Variants in MAP4K3 observed in about 807,000 individuals in gnomAD.
MAP4K3 encodes the protein mitogen-activated protein kinase kinase kinase kinase 3.
Under a neutral mutation model 143.5 loss-of-function variants are expected in MAP4K3, and 94 were observed. The observed-to-expected ratio is 0.65, with a 90% CI of 0.55 to 0.78. The LOEUF (loss-of-function observed/expected upper bound fraction) is 0.78, where lower values mean the gene tolerates loss of function less well. Ranked by LOEUF, MAP4K3 falls within the 30% of genes least tolerant of loss-of-function variation. MAP4K3 has a pLI of 0.00. For synonymous variants in MAP4K3, 416 were observed against 347.2 expected, an observed-to-expected ratio of 1.20 and a Z score of -2.20; for missense variants, 1,077 against 1,068.1, an observed-to-expected ratio of 1.01 and a Z score of -0.12.
At chr2:39,431,769 AC>A (rs1665297257) in intron 1 of MAP4K3, among the ~76,000 whole-genome samples, 1 of 152,224 alleles carries the variant, frequency 6.6e-6, no homozygotes, top group African/African-American at 2.4e-5. Context: ...CAATGACCAC[AC>A]TTTTTTGTGT....
intron 1 of MAP4K3, among the ~76,000 whole-genome samples, chr2:39,405,720 T>G (rs919580376): frequency 3.3e-5 from 5 of 151,872 alleles, no homozygotes; most frequent in African/African-American, 1.2e-4. Context: ...ATACAAACAT[T>G]AGCCAGCTGC....
chr2:39,325,988 G>T, intron 9 of MAP4K3, 27 bp from the exon 10 acceptor site: 1 of 1,547,320 alleles, frequency 6.5e-7, no homozygotes, highest in Non-Finnish European at 8.8e-7. Flanking sequence ...TCATTACACA[G>T]CATTTTAATA....
chr2:39,282,516 C>T lies in MAP4K3; in HGVS notation c.1626G>A (p.Val542=), dbSNP rs1279154649. 3 of 1,610,868 alleles carry T rather than the reference C, an allele frequency of 1.9e-6. No homozygotes were observed. The highest frequency in any genetic ancestry group is 2.5e-6 in the Non-Finnish European group (3 of 1,178,030). ...CTACTCCATATTTAGTACTTACATG[C>T]ACTTTAGGTGTTGGAGGAAGACCAT... The part of the protein sequence containing the change: ...ISNGLPPTPK[V]HMGACFSKVF... The change falls in exon 22 of 34, where the codon GTG becomes GTA. Residue 542 remains valine (V), a synonymous_variant. Transcript: ENST00000263881.
At chr2:39,347,056 T>C (rs1665313042) in intron 3 of MAP4K3, among the ~76,000 whole-genome samples, 1 of 152,126 alleles carries the variant, frequency 6.6e-6, no homozygotes, top group African/African-American at 2.4e-5. Context: ...AAAACCATTT[T>C]AATAACACTA....
chr2:39,378,267 T>C (rs1469604505), intron 1 of MAP4K3, 144 bp from the exon 2 acceptor site: 3 of 570,690 alleles, frequency 5.3e-6, no homozygotes, highest in Non-Finnish European at 9.3e-6. Flanking sequence ...AAACAAATAG[T>C]TTTTCCTTCA....
intron 1 of MAP4K3, among the ~76,000 whole-genome samples, chr2:39,389,285 G>A (rs1434470123): frequency 6.6e-6 from 1 of 152,024 alleles, no homozygotes; most frequent in Admixed American, 6.6e-5. Flanking sequence ...AGCAAAGAGA[G>A]CAAGAGATAG....
chr2:39,418,271 C>G (rs1667441283), intron 1 of MAP4K3, among the ~76,000 whole-genome samples: 2 of 151,098 alleles, frequency 1.3e-5, no homozygotes, highest in African/African-American at 4.9e-5. Context: ...AAAGAGCTCC[C>G]AATGGCTAAG....
intron 1 of MAP4K3, among the ~76,000 whole-genome samples, chr2:39,393,980 T>C (rs767983471): frequency 6.6e-6 from 1 of 152,220 alleles, no homozygotes; most frequent in Non-Finnish European, 1.5e-5. Context: ...ACGACATACA[T>C]ATGCTTTCTC....
At chr2:39,367,282 C>G (rs1158807441) in intron 2 of MAP4K3, among the ~76,000 whole-genome samples, 1 of 152,188 alleles carries the variant, frequency 6.6e-6, no homozygotes, top group Non-Finnish European at 1.5e-5. Flanking sequence ...TGGCTCACAC[C>G]TGTAGTCCCA....
At chr2:39,296,658 A>G (rs1207677044) in intron 16 of MAP4K3, among the ~76,000 whole-genome samples, 3 of 152,182 alleles carry the variant, frequency 2.0e-5, no homozygotes, top group Admixed American at 6.5e-5. Context: ...ACTGCCCCCA[A>G]TCTGTAAGTA....
chr2:39,290,003 C>T (rs986796082), intron 19 of MAP4K3, among the ~76,000 whole-genome samples: 5 of 149,594 alleles, frequency 3.3e-5, no homozygotes, highest in African/African-American at 1.0e-4. Flanking sequence ...AGGAGAATTG[C>T]TTGAACCCGA....
At chr2:39,322,895 C>A (rs554573233) in intron 12 of MAP4K3, among the ~76,000 whole-genome samples, 1 of 152,142 alleles carries the variant, frequency 6.6e-6, no homozygotes, top group Admixed American at 6.5e-5. Context: ...GTCCCAAACT[C>A]CTGACCTCAG....
chr2:39,313,070 C>A (rs981882543), intron 13 of MAP4K3, among the ~76,000 whole-genome samples: 4 of 152,202 alleles, frequency 2.6e-5, no homozygotes, highest in Admixed American at 2.6e-4. Flanking sequence ...AGATTCAAAC[C>A]TTACACTGGT....
chr2:39,320,396 G>A lies in MAP4K3; in HGVS notation c.919-5008C>T, dbSNP rs546495017. On this transcript the variant is annotated intron_variant, in intron 12 of 33. Coordinates refer to ENST00000263881, the MANE Select transcript of MAP4K3 (RefSeq NM_003618.4). ...TTTGTGTGAAAAATCAAACCTTGAC[G>A]ATGGCCTTGAGCAGTAGGATATAAA... Among the ~76,000 whole-genome samples, 142 of 152,184 alleles carry A rather than the reference G, an allele frequency of 9.3e-4. 1 individual carries two copies. Among genetic ancestry groups the A allele is most frequent in the African/African-American group, 3.0e-3 (126 of 41,558 alleles).
intron 13 of MAP4K3, among the ~76,000 whole-genome samples, chr2:39,313,123 G>T (rs1054700197): frequency 6.6e-6 from 1 of 152,320 alleles, no homozygotes; most frequent in South Asian, 2.1e-4. Context: ...GTTATGACAA[G>T]CCTCTGCCAC....
intron 22 of MAP4K3, among the ~76,000 whole-genome samples, chr2:39,280,980 A>C (rs12624242): frequency 0.68 from 103,996 of 152,158 alleles, 39,633 homozygotes; most frequent in Non-Finnish European, 0.84. Flanking sequence ...TCAGATAATA[A>C]ATATATCATA....
At chr2:39,323,179 TG>T (rs1460524056) in intron 12 of MAP4K3, 2 of 152,214 alleles carry the variant, frequency 1.3e-5, no homozygotes, top group African/African-American at 4.8e-5. Context: ...ATCCTACCCC[TG>T]GAATAATTAA....
intron 24 of MAP4K3, among the ~76,000 whole-genome samples, chr2:39,276,374 C>G (rs1053183647): frequency 2.6e-5 from 4 of 152,156 alleles, no homozygotes; most frequent in African/African-American, 2.4e-5. Context: ...CTTCAACCTC[C>G]ATGTTGAAAC....
At position 39,396,498 on chromosome 2, in the gene MAP4K3, T is replaced by TA. The variant is rs1216358998; in HGVS notation, c.97-18376dup. Reference sequence around the variant, plus strand: ...CCCCAATTTTTTTTTTTTTTTTTTTTAAGCAGAGTCTCACTTTGTCGCCCA... The same window carrying TA: ...CCCCAATTTTTTTTTTTTTTTTTTTTAAAGCAGAGTCTCACTTTGTCGCCCA... On this transcript the variant is annotated intron_variant, in intron 1 of 33. Coordinates refer to ENST00000263881, the MANE Select transcript of MAP4K3 (RefSeq NM_003618.4). Among the ~76,000 whole-genome samples, 3 of 151,106 alleles carry TA rather than the reference T, an allele frequency of 2.0e-5. No individual in the cohort carries two copies. In the East Asian group the frequency reaches 5.8e-4, roughly 29 times the overall value.
Sources: gnomAD v4.1 joint callset for allele counts (sites outside exome capture counted in the v4.1 genomes callset) on GRCh38, gnomAD v4.1.1 for gene constraint, MANE v1.5 for transcripts, NCBI Gene and HGNC (gene_info 2026-07-23, HGNC 2026-07-21) for gene names.